GALNT11: variants seen among roughly 807,000 people sequenced by gnomAD.
The protein encoded by GALNT11 is UDP-GalNAc:polypeptide N-acetylgalactosaminyltransferase 11.
Under a neutral mutation model 72.7 loss-of-function variants are expected in GALNT11, and 47 were observed. That is an observed-to-expected ratio of 0.65 (90% CI 0.51 to 0.82). The LOEUF is 0.82. Among genes scored for constraint, GALNT11 ranks in the 40% least tolerant of loss-of-function variants. GALNT11 has a pLI of 0.00. For synonymous variants in GALNT11, 270 were observed against 286.6 expected (o/e 0.94, Z 0.58); for missense variants, 677 against 778.4 (o/e 0.87, Z 1.55).
chr7:152,110,590 A>G lies in GALNT11; in HGVS notation c.1025A>G (p.Gln342Arg). Residue 342 changes from glutamine to arginine, a missense_variant, in exon 7 of 12, where the codon CAG becomes CGG. Gln to Arg is a conservative substitution (Grantham distance 43). Transcript: ENST00000430044. ...MNRQYFHELG[Q>R]YDSGMDIWGG... ...AGACAGTATTTCCATGAACTTGGAC[A>G]GTATGATAGTGGCATGGATATCTGG... 2 of 1,612,916 alleles carry G rather than the reference A, an allele frequency of 1.2e-6. No individual in the cohort carries two copies. The highest frequency in any genetic ancestry group is 1.3e-5 in the African/African-American group (1 of 75,006).
At chr7:152,037,773 T>A (rs952218942) in intron 1 of GALNT11, among the ~76,000 whole-genome samples, 3 of 152,088 alleles carry the variant, frequency 2.0e-5, no homozygotes, top group African/African-American at 7.3e-5. Context: ...CTTCAATTTT[T>A]TTTTTCCTTC....
intron 1 of GALNT11, among the ~76,000 whole-genome samples, chr7:152,085,700 C>T (rs967736279): frequency 1.3e-5 from 2 of 151,996 alleles, no homozygotes; most frequent in Non-Finnish European, 2.9e-5. Flanking sequence ...GCATTTCCTT[C>T]ATATTTGGGT....
intron 1 of GALNT11, among the ~76,000 whole-genome samples, chr7:152,026,244 C>G (rs965178033): frequency 6.6e-6 from 1 of 152,130 alleles, no homozygotes; most frequent in African/African-American, 2.4e-5. Context: ...TTAAAAGTGC[C>G]CAGAAATAGA....
rs1200758802 is a variant in GALNT11 at position 152,052,009 on chromosome 7, A to G, written c.-39+26125A>G. Among the ~76,000 whole-genome samples, 3 of 152,228 alleles carry G rather than the reference A, an allele frequency of 2.0e-5. No homozygotes were observed. The East Asian group carries it at 5.8e-4, about 29-fold the overall frequency. On this transcript the variant is annotated intron_variant, in intron 1 of 11. Coordinates refer to ENST00000430044, the MANE Select transcript of GALNT11 (RefSeq NM_022087.4). Reference sequence around the variant, plus strand: ...CCAAAACTTTTTCATTACCCCAAACAGAAATCTGTAACCATTAAGCAATAA... The same window carrying G: ...CCAAAACTTTTTCATTACCCCAAACGGAAATCTGTAACCATTAAGCAATAA...
At chr7:152,035,918 T>G (rs997626080) in intron 1 of GALNT11, among the ~76,000 whole-genome samples, 5 of 152,192 alleles carry the variant, frequency 3.3e-5, no homozygotes, top group African/African-American at 1.2e-4. Context: ...TGCTGCGTAG[T>G]GCCCGCTGGC....
At chr7:152,039,742 C>T (rs576844764) in intron 1 of GALNT11, among the ~76,000 whole-genome samples, 58 of 152,246 alleles carry the variant, frequency 3.8e-4, no homozygotes, top group African/African-American at 1.3e-3. Flanking sequence ...GTATCCAAAT[C>T]GGCTGTTGAT....
rs10273721 is a variant in GALNT11, at chr7:152,027,639, C to T, written c.-39+1755C>T. 7.4e-3 allele frequency: 1,135 copies of T among 153,318 alleles called. 17 individuals are homozygous for T. Among genetic ancestry groups the T allele is most frequent in the African/African-American group, 0.026 (1,094 of 41,606 alleles). The allele number at this position is 153,318 out of a possible 1,614,324, so 9.5% of individuals were successfully genotyped here. On this transcript the variant is annotated intron_variant, in intron 1 of 11. Transcript: ENST00000430044. ...GTGTCCCAGTCTGACGTGGCTGCTG[C>T]GTAAATGTGTCCGGAATTGGTTCCT...
chr7:152,116,972 T>C, intron 8 of GALNT11, 185 bp from the exon 9 acceptor site: 2 of 699,886 alleles, frequency 2.9e-6, no homozygotes, highest in Middle Eastern at 2.3e-4. Flanking sequence ...TGACTGAGAC[T>C]CACGAGTTTG....
intron 2 of GALNT11, among the ~76,000 whole-genome samples, chr7:152,098,896 A>T (rs2086565069): frequency 6.6e-6 from 1 of 152,252 alleles, no homozygotes. Flanking sequence ...AATGTTTCTC[A>T]AAGTAGATAT....
intron 6 of GALNT11, among the ~76,000 whole-genome samples, chr7:152,108,684 T>A (rs1316520578): frequency 6.6e-6 from 1 of 152,242 alleles, no homozygotes; most frequent in Non-Finnish European, 1.5e-5. Flanking sequence ...CGTAAGCCTT[T>A]TCTTTCATTA....
chr7:152,036,303 A>G (rs2082577354), intron 1 of GALNT11, among the ~76,000 whole-genome samples: 1 of 152,012 alleles, frequency 6.6e-6, no homozygotes, highest in Admixed American at 6.6e-5. Context: ...AATTGTTTTA[A>G]TTTTTAGCTT....
rs2083228151 is a variant in GALNT11, at chr7:152,048,056, T to G, written c.-39+22172T>G. On this transcript the variant is annotated intron_variant, in intron 1 of 11. Transcript: ENST00000430044. ...CATTAATGTCCTTTTCTTTCAGATT[T>G]AAGAACTCTCTTTGGCATTTCTTTT... is the stretch of plus-strand genomic sequence containing the variant. Among the ~76,000 whole-genome samples the G allele has an allele frequency of 1.3e-5, 2 of 152,084 alleles. 1 individual carries two copies. The highest frequency in any genetic ancestry group is 4.8e-5 in the African/African-American group (2 of 41,330).
At chr7:152,041,149 C>T (rs537102134) in intron 1 of GALNT11, among the ~76,000 whole-genome samples, 3 of 152,256 alleles carry the variant, frequency 2.0e-5, no homozygotes, top group East Asian at 1.9e-4. Context: ...TTTCAGGTAT[C>T]TTGATGGTAT....
At chr7:152,082,689 T>C (rs1364703308) in intron 1 of GALNT11, among the ~76,000 whole-genome samples, 1 of 152,228 alleles carries the variant, frequency 6.6e-6, no homozygotes, top group Non-Finnish European at 1.5e-5. Context: ...TAAATTTTGC[T>C]GCTAAGAGAA....
At chr7:152,066,251 A>G (rs572775560) in intron 1 of GALNT11, among the ~76,000 whole-genome samples, 1 of 148,380 alleles carries the variant, frequency 6.7e-6, no homozygotes, top group African/African-American at 2.5e-5. Context: ...CATGGGATGT[A>G]ATCTCCTGGT....
intron 1 of GALNT11, among the ~76,000 whole-genome samples, chr7:152,027,367 T>G (rs1307113157): frequency 6.6e-6 from 1 of 152,268 alleles, no homozygotes; most frequent in East Asian, 1.9e-4. Context: ...GGTATCCATC[T>G]TCTCAAGCAT....
intron 1 of GALNT11, among the ~76,000 whole-genome samples, chr7:152,033,854 G>A (rs1010939779): frequency 1.3e-5 from 2 of 152,150 alleles, no homozygotes; most frequent in African/African-American, 4.8e-5. Context: ...ACTTGACTAA[G>A]GTACCAGGTA....
In GALNT11 at chr7:152,048,226, C is replaced by G. The variant is rs192444604; in HGVS notation, c.-39+22342C>G. Among the ~76,000 whole-genome samples the G allele has an allele frequency of 2.7e-3, 415 of 151,932 alleles. 6 individuals carry two copies. The highest frequency in any genetic ancestry group is 9.4e-3 in the African/African-American group (389 of 41,274). On this transcript the variant is annotated intron_variant, in intron 1 of 11. Transcript: ENST00000430044. ...CCTTCGGCACTTTAAATAGGCCACT[C>G]TCCTGGCCTTTAAGGCTACCACTGA...
At chr7:152,071,673 C>T (rs201475156) in intron 1 of GALNT11, among the ~76,000 whole-genome samples, 1,754 of 152,084 alleles carry the variant, frequency 0.012, 36 homozygotes, top group African/African-American at 0.041. Flanking sequence ...TAAGTGTCCA[C>T]GAAATCTTCA....
Sources: allele counts gnomAD v4.1 joint callset (sites outside exome capture counted in the v4.1 genomes callset), GRCh38; gene constraint gnomAD v4.1.1; transcripts MANE v1.5; gene names NCBI Gene and HGNC (gene_info 2026-07-23, HGNC 2026-07-21).